SEMA3D: variants seen among roughly 807,000 people sequenced by gnomAD.
SEMA3D encodes the protein semaphorin 3D.
Under a neutral mutation model 100.1 loss-of-function variants are expected in SEMA3D, and 84 were observed. The observed-to-expected ratio is 0.84, with a 90% confidence interval of 0.70 to 1.01. The LOEUF is 1.01. SEMA3D is among the 50% of genes least tolerant of loss of function. The probability of loss-of-function intolerance (pLI) is 0.00; values close to 1 mark genes in which losing one functional copy is unlikely to be tolerated. For synonymous variants in SEMA3D, 312 were observed against 320.7 expected, an observed-to-expected ratio of 0.97 and a Z score of 0.29; for missense variants, 875 against 934.1, an observed-to-expected ratio of 0.94 and a Z score of 0.82.
At chr7:85,181,902 G>A (rs1435231552) in intron 1 of SEMA3D, 3 of 234,274 alleles carry the variant, frequency 1.3e-5, no homozygotes, top group Non-Finnish European at 2.1e-5. Context: ...TTATTAAAAT[G>A]CAAACATAAA....
At chr7:85,055,911 T>C in intron 8 of SEMA3D, 52 bp from the exon 9 acceptor site, 2 of 1,029,668 alleles carry the variant, frequency 1.9e-6, no homozygotes, top group Non-Finnish European at 2.8e-6. Flanking sequence ...AATCCAGTCA[T>C]CATAGTTTGA....
intron 1 of SEMA3D, among the ~76,000 whole-genome samples, chr7:85,155,616 C>T (rs889692417): frequency 6.6e-6 from 1 of 152,104 alleles, no homozygotes. Context: ...GCAAATGATT[C>T]ACTTATACAT....
At chr7:85,070,188 T>C (rs1791733077) in intron 6 of SEMA3D, among the ~76,000 whole-genome samples, 1 of 152,212 alleles carries the variant, frequency 6.6e-6, no homozygotes, top group African/African-American at 2.4e-5. Flanking sequence ...TTAGAAGTTG[T>C]TGACAGCAGC....
the SEMA3D span, among the ~76,000 whole-genome samples, chr7:85,197,180 G>A: frequency 6.6e-6 from 1 of 152,108 alleles, no homozygotes; most frequent in Non-Finnish European, 1.5e-5. Flanking sequence ...ATTTGCAACT[G>A]GAAAGAATCT....
At chr7:85,099,655 C>A (rs890686049) in intron 3 of SEMA3D, among the ~76,000 whole-genome samples, 1 of 151,902 alleles carries the variant, frequency 6.6e-6, no homozygotes, top group African/African-American at 2.4e-5. Context: ...AGCAATGAAT[C>A]AGAATTTTTA....
chr7:85,157,548 C>T (rs1790633906), intron 1 of SEMA3D: 2 of 423,926 alleles, frequency 4.7e-6, no homozygotes, highest in African/African-American at 2.1e-5. Context: ...GATGTCTGAG[C>T]TTTTCGCACC....
chr7:85,130,297 T>C (rs1789690443), intron 2 of SEMA3D, among the ~76,000 whole-genome samples: 1 of 152,184 alleles, frequency 6.6e-6, no homozygotes. Flanking sequence ...GCAGCTTTTC[T>C]TTCAACAAAT....
At chr7:85,001,763 G>A (rs933093645) in intron 18 of SEMA3D, among the ~76,000 whole-genome samples, 15 of 152,080 alleles carry the variant, frequency 9.9e-5, no homozygotes, top group African/African-American at 3.1e-4. Context: ...AGTATTATTA[G>A]CAACATTACA....
intron 8 of SEMA3D, among the ~76,000 whole-genome samples, chr7:85,057,839 G>A (rs578154343): frequency 1.3e-5 from 2 of 152,252 alleles, no homozygotes; most frequent in East Asian, 1.9e-4. Context: ...GCTGAGGCAC[G>A]AGAATCCCTT....
At chr7:85,111,665 C>A (rs571319879) in intron 3 of SEMA3D, among the ~76,000 whole-genome samples, 11 of 152,156 alleles carry the variant, frequency 7.2e-5, no homozygotes, top group African/African-American at 2.6e-4. Flanking sequence ...CAGAATGATT[C>A]TATTATTCTG....
intron 18 of SEMA3D, among the ~76,000 whole-genome samples, chr7:85,006,376 G>A (rs1175716279): frequency 6.6e-6 from 1 of 151,720 alleles, no homozygotes; most frequent in Non-Finnish European, 1.5e-5. Context: ...CATATAATTT[G>A]ATAAACATAG....
the SEMA3D span, among the ~76,000 whole-genome samples, chr7:85,246,778 T>C: frequency 7.6e-4 from 116 of 151,990 alleles, no homozygotes; most frequent in East Asian, 7.5e-3. Flanking sequence ...CCTAAAGAAA[T>C]TCTTTTATTC....
the SEMA3D span, among the ~76,000 whole-genome samples, chr7:85,215,116 TC>T: frequency 4.7e-5 from 7 of 148,712 alleles, no homozygotes; most frequent in Admixed American, 1.3e-4. Context: ...TTTCTTTCTT[TC>T]TTTTTTTTTT....
chr7:85,004,699 T>G (rs1273237469), intron 18 of SEMA3D, among the ~76,000 whole-genome samples: 1 of 151,968 alleles, frequency 6.6e-6, no homozygotes, highest in Non-Finnish European at 1.5e-5. Context: ...ACTGTGACCT[T>G]ATGGGTAAGA....
chr7:85,056,261 G>C (rs986649581), intron 8 of SEMA3D, among the ~76,000 whole-genome samples: 2 of 151,952 alleles, frequency 1.3e-5, no homozygotes, highest in East Asian at 1.9e-4. Context: ...TTAATACTTT[G>C]ATGAATTTTG....
intron 1 of SEMA3D, among the ~76,000 whole-genome samples, chr7:85,184,591 T>C (rs1791490983): frequency 6.6e-6 from 1 of 152,182 alleles, no homozygotes; most frequent in Admixed American, 6.5e-5. Context: ...TCACAGCACC[T>C]GAAACACAAT....
At chr7:85,244,594 G>A in the SEMA3D span, among the ~76,000 whole-genome samples, 1 of 152,024 alleles carries the variant, frequency 6.6e-6, no homozygotes, top group Non-Finnish European at 1.5e-5. Context: ...GTATGTGTCA[G>A]TCTAAAGTAG....
chr7:85,183,406 T>C (rs1289362632), intron 1 of SEMA3D, among the ~76,000 whole-genome samples: 2 of 152,066 alleles, frequency 1.3e-5, no homozygotes, highest in Non-Finnish European at 2.9e-5. Context: ...TATGTGAGAG[T>C]AAATCAGCTT....
intron 2 of SEMA3D, among the ~76,000 whole-genome samples, chr7:85,126,660 G>A (rs1000597961): frequency 1.3e-5 from 2 of 151,956 alleles, no homozygotes; most frequent in Non-Finnish European, 2.9e-5. Flanking sequence ...TGATTAGATG[G>A]TTTTCCTGTA....
Sources: gnomAD v4.1 joint callset for allele counts (sites outside exome capture counted in the v4.1 genomes callset) on GRCh38, gnomAD v4.1.1 for gene constraint, MANE v1.5 for transcripts, NCBI Gene and HGNC (gene_info 2026-07-23, HGNC 2026-07-21) for gene names.